Variants in POFUT2 observed in about 807,000 individuals in gnomAD.
The protein encoded by POFUT2 is protein O-fucosyltransferase 2, also known as GDP-fucose protein O-fucosyltransferase 2.
A neutral mutation model predicts 55.0 loss-of-function variants in POFUT2; 30 were observed. The observed-to-expected ratio is 0.55, with a 90% CI of 0.41 to 0.74. The LOEUF is 0.74. Among genes scored for constraint, POFUT2 ranks in the 30% least tolerant of loss-of-function variants. The pLI, the probability that POFUT2 is intolerant of heterozygous loss-of-function variation, is 0.00. For synonymous variants in POFUT2, 267 were observed against 231.1 expected (o/e 1.16, Z -1.41); for missense variants, 524 against 562.6 (o/e 0.93, Z 0.69).
At chr21:45,274,810 T>TTA (rs2093248693) in intron 6 of POFUT2, among the ~76,000 whole-genome samples, 1 of 152,182 alleles carries the variant, frequency 6.6e-6, no homozygotes, top group Non-Finnish European at 1.5e-5. Flanking sequence ...GACTTAAATC[T>TTA]AAGACCTGAA....
chr21:45,287,616 T>A, intron 1 of POFUT2, 125 bp downstream of exon 1: 1 of 647,896 alleles, frequency 1.5e-6, no homozygotes, highest in Non-Finnish European at 1.8e-6. Context: ...CCACCCTCCA[T>A]CCCGTGGGCC....
chr21:45,268,923 C>A (rs1192522219), intron 7 of POFUT2, among the ~76,000 whole-genome samples: 1 of 103,140 alleles, frequency 9.7e-6, no homozygotes, highest in Non-Finnish European at 2.0e-5. Flanking sequence ...GGGGTCAGCC[C>A]CCCGCCTGGC....
rs2031658818 is a variant in POFUT2 at position 45,287,846 on chromosome 21, A to T, written c.26T>A (p.Leu9Gln). ...AGGCCAGGACACTGCCCCCAGCAGC[A>T]GGAAGACGAAGCTGAGTGTCGCCAT... Reference protein sequence around the residue: MATLSFVFLLLGAVSWPPA... With the variant: MATLSFVFQLLGAVSWPPA... The change falls in exon 1 of 9, where the codon CTG becomes CAG. Residue 9 changes from leucine (L) to glutamine (Q), a missense_variant. Leu to Gln is a moderately radical substitution (Grantham distance 113). Transcript: ENST00000349485. 2 of 1,433,398 alleles carry T rather than the reference A, an allele frequency of 1.4e-6. No homozygotes were observed. Among genetic ancestry groups the T allele is most frequent in the Non-Finnish European group, 1.8e-6 (2 of 1,085,028 alleles). 88.8% of individuals were successfully genotyped at this position (1,433,398 alleles called of 1,614,324 possible).
chr21:45,278,755 G>T (rs754716516), intron 4 of POFUT2, among the ~76,000 whole-genome samples: 1 of 152,234 alleles, frequency 6.6e-6, no homozygotes, highest in Non-Finnish European at 1.5e-5. Flanking sequence ...AAGGTGAGGT[G>T]CGTGAAGCAC....
chr21:45,282,246 T>G lies in POFUT2; in HGVS notation c.638+103A>C. 1.3e-6 allele frequency: 1 copy of G among 764,524 alleles called. No homozygotes were observed. The highest frequency in any genetic ancestry group is 2.2e-6 in the Non-Finnish European group (1 of 449,288). The allele number at this position is 764,524 out of a possible 1,614,324, so 47.4% of individuals were successfully genotyped here. A position where few individuals can be genotyped will look rare whatever the true frequency, so the allele number is the denominator to read the frequency against. ...CAGGGTCCGCTGTCTGTGAGGTGGG[T>G]GGGCCAGGGATGCGGGAGTATGGGC... On this transcript the variant is annotated intron_variant, in intron 4 of 8. Coordinates refer to ENST00000349485, the MANE Select transcript of POFUT2 (RefSeq NM_133635.6). The surrounding 1 kb of genome is among the most constrained non-coding windows in gnomAD (Gnocchi z 4.6).
In POFUT2 at chr21:45,282,564, G is replaced by C; in HGVS notation, c.528-105C>G. The C allele has an allele frequency of 1.4e-6, 1 of 714,978 alleles. No individual in the cohort carries two copies. The allele number at this position is 714,978 out of a possible 1,614,324, so 44.3% of individuals were successfully genotyped here. ...CACTGTGGCTTGCTCCTGATGAAAC[G>C]CGGCTGCTTTAGGAAAACTTACTGA... On this transcript the variant is annotated intron_variant, in intron 3 of 8. Transcript: ENST00000349485. This position sits in a 1 kb window ranked among gnomAD's most constrained non-coding sequence, Gnocchi z 4.6.
intron 7 of POFUT2, among the ~76,000 whole-genome samples, chr21:45,269,401 AAAG>A (rs1472601326): frequency 1.3e-5 from 2 of 152,014 alleles, no homozygotes; most frequent in Non-Finnish European, 2.9e-5. Flanking sequence ...GTCTGTGTAG[AAAG>A]AAGTAGACAT....
rs1369974743 is a variant in POFUT2, at chr21:45,281,693, G to A, written c.638+656C>T. Among the ~76,000 whole-genome samples, 2 of 151,938 alleles carry A rather than the reference G, an allele frequency of 1.3e-5. No individual in the cohort carries two copies. The highest frequency in any genetic ancestry group is 2.9e-5 in the Non-Finnish European group (2 of 68,000). On this transcript the variant is annotated intron_variant, in intron 4 of 8. Coordinates refer to ENST00000349485, the MANE Select transcript of POFUT2 (RefSeq NM_133635.6). This position sits in a 1 kb window ranked among gnomAD's most constrained non-coding sequence, Gnocchi z 5.0. ...GGGGCACCCGTGCCCTGCTATGCCT[G>A]GTCTATGGGAGACGCTCACAGTGCC...
Position 45,276,677 on chromosome 21 carries a change from G to C in POFUT2, c.831+340C>G, listed in dbSNP as rs563724965. Among the ~76,000 whole-genome samples the C allele has an allele frequency of 2.0e-5, 3 of 152,292 alleles. No homozygotes were observed. In the East Asian group the frequency reaches 5.8e-4, roughly 29 times the overall value. On this transcript the variant is annotated intron_variant, in intron 6 of 8. Coordinates refer to ENST00000349485, the MANE Select transcript of POFUT2 (RefSeq NM_133635.6). ...AATCAAGTCAAGAGGGAAAAAGGCC[G>C]AACGTGCCTCTGACCACCTCGAGCT...
At position 45,277,697 on chromosome 21, in the gene POFUT2, G is replaced by A; in HGVS notation, c.705+406C>T. On this transcript the variant is annotated intron_variant, in intron 5 of 8. Transcript: ENST00000349485. The surrounding 1 kb of genome is among the most constrained non-coding windows in gnomAD (Gnocchi z 6.9). ...CACTCACAGAACCAGGGGTGGCTATGGGAAGTCACCCCATCAATGCGGAAA... is the reference window on the plus strand; with the variant it reads ...CACTCACAGAACCAGGGGTGGCTATAGGAAGTCACCCCATCAATGCGGAAA... 1 of 233,042 alleles carries A rather than the reference G, an allele frequency of 4.3e-6. No individual in the cohort carries two copies. Among genetic ancestry groups the A allele is most frequent in the Non-Finnish European group, 8.5e-6 (1 of 117,578 alleles). The allele number at this position is 233,042 out of a possible 1,614,324, so 14.4% of individuals were successfully genotyped here.
rs192108114 is a variant in POFUT2, at chr21:45,284,035, G to A, written c.383-508C>T. 2.0e-3 allele frequency among the ~76,000 whole-genome samples: 299 copies of A among 152,322 alleles called. 1 individual carries two copies. Among genetic ancestry groups the A allele is most frequent in the African/African-American group, 6.9e-3 (285 of 41,570 alleles). On this transcript the variant is annotated intron_variant, in intron 2 of 8. Coordinates refer to ENST00000349485, the MANE Select transcript of POFUT2 (RefSeq NM_133635.6). The surrounding 1 kb of genome is among the most constrained non-coding windows in gnomAD (Gnocchi z 5.8). The stretch of plus-strand genomic sequence containing the variant: ...GAGTCGTGCCTCTTACCCACGGCCC[G>A]ACCCGCACCAAGAAGGTGGCACTGT...
chr21:45,286,035 A>C (rs1014029630), intron 1 of POFUT2, 107 bp from the exon 2 acceptor site: 2 of 966,530 alleles, frequency 2.1e-6, no homozygotes, highest in African/African-American at 3.2e-5. Flanking sequence ...GGCACTTAAC[A>C]ATGGTTCCTA....
intron 7 of POFUT2, among the ~76,000 whole-genome samples, chr21:45,268,806 G>C (rs2093185112): frequency 6.7e-6 from 1 of 148,296 alleles, no homozygotes; most frequent in Non-Finnish European, 1.5e-5. Context: ...CGTCCGGGAG[G>C]GAGGTGGGGG....
At chr21:45,266,929 C>T in intron 8 of POFUT2, 1 of 1,023,388 alleles carries the variant, frequency 9.8e-7, no homozygotes, top group Admixed American at 5.1e-5. Flanking sequence ...GATGGGCAGG[C>T]AGGTCTTTGG....
In POFUT2 at chr21:45,268,865, G is replaced by A. The variant is rs2093187490; in HGVS notation, c.1012+974C>T. 3.1e-5 allele frequency among the ~76,000 whole-genome samples: 3 copies of A among 96,924 alleles called. 1 individual carries two copies. The highest frequency in any genetic ancestry group is 6.5e-5 in the Non-Finnish European group (3 of 46,164). The allele number at this position is 96,924 out of a possible 152,430, so 63.6% of individuals were successfully genotyped here. A position where few individuals can be genotyped will look rare whatever the true frequency, so the allele number is the denominator to read the frequency against. ...CGCCCCGTCCGGGAGGGAGGTGGGG[G>A]GGTCAGCACCCCGGGCGGCCAGCCG... On this transcript the variant is annotated intron_variant, in intron 7 of 8. Transcript: ENST00000349485.
chr21:45,275,003 G>C (rs2093250249), intron 6 of POFUT2, among the ~76,000 whole-genome samples: 1 of 152,192 alleles, frequency 6.6e-6, no homozygotes, highest in Admixed American at 6.5e-5. Context: ...CCCAGAGTGG[G>C]AGGAAATACT....
rs774447626 is a variant in POFUT2 at position 45,283,403 on chromosome 21, C to T, written c.507G>A (p.Gln169=). The T allele has an allele frequency of 8.1e-6, 13 of 1,611,816 alleles. No homozygotes were observed. The highest frequency in any genetic ancestry group is 1.1e-5 in the Non-Finnish European group (13 of 1,179,292). ...GGCACCTGTAGTACTCGTGCTTGTC[C>T]TGGGAGTACAGGAGCTGATCAATAC... ...RPCIDQLLYS[Q]DKHEYYRGWF... Residue 169 remains glutamine (Q), a synonymous_variant, in exon 3 of 9, where the codon CAG becomes CAA. Coordinates refer to ENST00000349485, the MANE Select transcript of POFUT2 (RefSeq NM_133635.6).
Position 45,277,107 on chromosome 21 carries a change from C to G in POFUT2, c.741G>C (p.Arg247=), listed in dbSNP as rs978912614. Residue 247 remains arginine (R), a synonymous_variant, in exon 6 of 9, where the codon CGG becomes CGC. Transcript: ENST00000349485. This position sits in a 1 kb window ranked among gnomAD's most constrained non-coding sequence, Gnocchi z 6.9. ...TGCTCCTGAACTCGTCTCCCACCTC[C>G]CGCAGGTGCCTGGCAAACACCATGC... ...RRSMVFARHL[R]EVGDEFRSRH... 9 of 1,614,054 alleles carry G rather than the reference C, an allele frequency of 5.6e-6. No homozygotes were observed. Among genetic ancestry groups the G allele is most frequent in the Non-Finnish European group, 7.6e-6 (9 of 1,179,986 alleles).
chr21:45,282,140 C>G lies in POFUT2; in HGVS notation c.638+209G>C, dbSNP rs1030159557. Among the ~76,000 whole-genome samples the G allele has an allele frequency of 6.6e-6, 1 of 152,190 alleles. No homozygotes were observed. Among genetic ancestry groups the G allele is most frequent in the Non-Finnish European group, 1.5e-5 (1 of 68,012 alleles). ...CACCTCTGTGCCCCTCACCCGCTGTCCACGTCACCCACTGCACCCACTGGG... is the reference window on the plus strand; with the variant it reads ...CACCTCTGTGCCCCTCACCCGCTGTGCACGTCACCCACTGCACCCACTGGG... On this transcript the variant is annotated intron_variant, in intron 4 of 8. Transcript: ENST00000349485. This position sits in a 1 kb window ranked among gnomAD's most constrained non-coding sequence, Gnocchi z 4.6.
Sources: gnomAD v4.1 joint callset for allele counts (sites outside exome capture counted in the v4.1 genomes callset) on GRCh38, gnomAD v4.1.1 for gene constraint, Gnocchi (gnomAD v3.1) non-coding constraint, MANE v1.5 for transcripts, NCBI Gene and HGNC (gene_info 2026-07-23, HGNC 2026-07-21) for gene names.